HIP1: variants seen among roughly 807,000 people sequenced by gnomAD.
The protein encoded by HIP1 is huntingtin-interacting protein 1.
Under a neutral mutation model 147.6 loss-of-function variants are expected in HIP1, and 65 were observed. That is an observed-to-expected ratio of 0.44 (90% CI 0.36 to 0.54). The LOEUF (loss-of-function observed/expected upper bound fraction) is 0.54. Ranked by LOEUF, HIP1 falls within the 20% of genes least tolerant of loss-of-function variation. The pLI is 0.00. For synonymous variants in HIP1, 479 were observed against 504.0 expected, an observed-to-expected ratio of 0.95 and a Z score of 0.67; for missense variants, 1,061 against 1,299.6, an observed-to-expected ratio of 0.82 and a Z score of 2.82.
intron 23 of HIP1, 32 bp downstream of exon 23, chr7:75,548,859 T>C (rs1191148632): frequency 2.7e-6 from 4 of 1,472,470 alleles, no homozygotes; most frequent in Non-Finnish European, 3.8e-6. Flanking sequence ...TGCAAAGGCA[T>C]CGTTTCAGGA....
At chr7:75,701,810 A>G (rs1370855655) in intron 1 of HIP1, among the ~76,000 whole-genome samples, 1 of 152,108 alleles carries the variant, frequency 6.6e-6, no homozygotes, top group Admixed American at 6.6e-5. Context: ...CTATGATCAC[A>G]CCACTGCACT....
intron 8 of HIP1, among the ~76,000 whole-genome samples, chr7:75,570,301 T>TC (rs1247879425): frequency 6.6e-6 from 1 of 151,028 alleles, no homozygotes; most frequent in East Asian, 2.0e-4. Flanking sequence ...TTTCTTTTTT[T>TC]TTTTTTTCGA....
chr7:75,735,498 C>T (rs1421953653), intron 1 of HIP1, among the ~76,000 whole-genome samples: 2 of 152,048 alleles, frequency 1.3e-5, no homozygotes, highest in African/African-American at 4.8e-5. Context: ...CTCATGGTCT[C>T]CTAACTCATT....
intron 1 of HIP1, among the ~76,000 whole-genome samples, chr7:75,695,245 G>T (rs1423304412): frequency 1.3e-5 from 2 of 152,144 alleles, no homozygotes; most frequent in Non-Finnish European, 2.9e-5. Flanking sequence ...TCTCACTGGG[G>T]ACTCCTAAAT....
chr7:75,696,281 C>G (rs1045625722), intron 1 of HIP1, among the ~76,000 whole-genome samples: 15 of 152,116 alleles, frequency 9.9e-5, no homozygotes, highest in Non-Finnish European at 2.2e-4. Context: ...AGCCACCATG[C>G]CTGGCCTATC....
At chr7:75,647,076 G>A (rs142013353) in intron 1 of HIP1, among the ~76,000 whole-genome samples, 60 of 152,038 alleles carry the variant, frequency 3.9e-4, no homozygotes, top group Admixed American at 9.8e-4. Flanking sequence ...AAAACTGTGC[G>A]TGGACATGGC....
At chr7:75,542,386 G>C (rs1308863015) in intron 28 of HIP1, among the ~76,000 whole-genome samples, 3 of 147,766 alleles carry the variant, frequency 2.0e-5, no homozygotes, top group African/African-American at 5.0e-5. Context: ...ACAAGAGAAA[G>C]ACTCCATCTA....
intron 21 of HIP1, 140 bp downstream of exon 21, chr7:75,553,973 G>A (rs888258538): frequency 1.1e-4 from 71 of 624,998 alleles, no homozygotes; most frequent in Admixed American, 4.7e-4. Flanking sequence ...TTGAACTCCC[G>A]ACCTCAAGTG....
At chr7:75,541,024 G>C (rs1794286507) in intron 29 of HIP1, among the ~76,000 whole-genome samples, 1 of 152,026 alleles carries the variant, frequency 6.6e-6, no homozygotes, top group Non-Finnish European at 1.5e-5. Flanking sequence ...CAGCCCTTTG[G>C]GAGGCTGAGG....
At chr7:75,595,244 CT>C (rs782325288) in intron 2 of HIP1, among the ~76,000 whole-genome samples, 149 of 112,674 alleles carry the variant, frequency 1.3e-3, no homozygotes, top group Middle Eastern at 4.2e-3. Flanking sequence ...TTCTTTCTTT[CT>C]TTCTTTCTTC....
chr7:75,737,947 A>G (rs1446584526), intron 1 of HIP1, among the ~76,000 whole-genome samples: 1 of 152,216 alleles, frequency 6.6e-6, no homozygotes, highest in African/African-American at 2.4e-5. Context: ...CACCATCAAC[A>G]TGTCAGCTTA....
chr7:75,708,683 C>T (rs1554519908), intron 1 of HIP1, among the ~76,000 whole-genome samples: 1 of 151,932 alleles, frequency 6.6e-6, no homozygotes, highest in Non-Finnish European at 1.5e-5. Context: ...GAGTTTATTT[C>T]TGGGCTCTCT....
At chr7:75,726,469 G>A (rs1187301722) in intron 1 of HIP1, among the ~76,000 whole-genome samples, 2 of 151,908 alleles carry the variant, frequency 1.3e-5, no homozygotes, top group African/African-American at 4.8e-5. Flanking sequence ...ATTCTTAATA[G>A]AGACAAGGTT....
chr7:75,533,561 T>C lies in HIP1; in HGVS notation c.*4611A>G, dbSNP rs1584759277. 1 of 232,124 alleles carries C rather than the reference T, an allele frequency of 4.3e-6. No individual in the cohort carries two copies. Among genetic ancestry groups the C allele is most frequent in the East Asian group, 6.1e-5 (1 of 16,410 alleles). 14.4% of individuals were successfully genotyped at this position (232,124 alleles called of 1,614,324 possible). On this transcript the variant is annotated 3_prime_UTR_variant, in exon 31 of 31. Transcript: ENST00000336926. ...AACTGAAATGTGAAAGAGTCTGTTA[T>C]AAGTTTGAGACAACTGCATTATCAC...
chr7:75,592,468 C>G lies in HIP1; in HGVS notation c.231G>C (p.Trp77Cys). Residue 77 changes from tryptophan to cysteine, a missense_variant, in exon 3 of 31, where the codon TGG (tryptophan) becomes TGC (cysteine). Transcript: ENST00000336926. ...ACAGAGGCAGGCGGTTGACAACAGA[C>G]CAGAAGGTCTGTGCCCCTTTCTCAT... ...THHEKGAQTF[W>C]SVVNRLPLSS... 1 of 1,611,806 alleles carries G rather than the reference C, an allele frequency of 6.2e-7. No homozygotes were observed. The highest frequency in any genetic ancestry group is 8.5e-7 in the Non-Finnish European group (1 of 1,179,556).
intron 16 of HIP1, 106 bp from the exon 17 acceptor site, chr7:75,556,917 C>T (rs1195398712): frequency 1.9e-5 from 14 of 727,816 alleles, no homozygotes; most frequent in Non-Finnish European, 2.1e-5. Flanking sequence ...GTAAACTCTA[C>T]TGTATGTAAG....
Position 75,648,245 on chromosome 7 carries a change from T to G in HIP1, c.121-48998A>C, listed in dbSNP as rs544426324. Among the ~76,000 whole-genome samples the G allele has an allele frequency of 2.4e-4, 37 of 152,054 alleles. No homozygotes were observed. In the South Asian group the frequency reaches 7.7e-3, roughly 32 times the overall value. ...AGTAGCTGGGACTAGTTGGAGTAGC[T>G]GAAGCTGGTTGGAGTAGTTGGGGCT... On this transcript the variant is annotated intron_variant, in intron 1 of 30. Coordinates refer to ENST00000336926, the MANE Select transcript of HIP1 (RefSeq NM_005338.7).
chr7:75,551,348 C>T (rs1794776574), intron 22 of HIP1, among the ~76,000 whole-genome samples: 1 of 151,084 alleles, frequency 6.6e-6, no homozygotes, highest in Non-Finnish European at 1.5e-5. Flanking sequence ...CAGGTATGTG[C>T]TGGGATTACA....
intron 1 of HIP1, among the ~76,000 whole-genome samples, chr7:75,605,750 G>A (rs1330487867): frequency 2.0e-5 from 3 of 152,232 alleles, no homozygotes; most frequent in African/African-American, 7.2e-5. Flanking sequence ...TGGCCAGGCT[G>A]TTCTCAAACT....
Sources: gnomAD v4.1 joint callset for allele counts (sites outside exome capture counted in the v4.1 genomes callset) on GRCh38, gnomAD v4.1.1 for gene constraint, MANE v1.5 for transcripts, NCBI Gene and HGNC (gene_info 2026-07-23, HGNC 2026-07-21) for gene names.